MYH15: variants seen among roughly 807,000 people sequenced by gnomAD.
The protein encoded by MYH15 is myosin heavy chain 15, also known as myosin-15.
Under a neutral mutation model 240.5 loss-of-function variants are expected in MYH15, and 227 were observed. The observed-to-expected ratio is 0.94, with a 90% CI of 0.85 to 1.05. MYH15 has a LOEUF of 1.05. MYH15 is among the 50% of genes least tolerant of loss of function. The probability of loss-of-function intolerance (pLI) is 0.00; values close to 1 mark genes in which losing one functional copy is unlikely to be tolerated. For synonymous variants in MYH15, 785 were observed against 796.7 expected (o/e 0.99, Z 0.25); for missense variants, 2,217 against 2,247.5 (o/e 0.99, Z 0.27).
intron 12 of MYH15, among the ~76,000 whole-genome samples, chr3:108,472,117 CT>C (rs905564340): frequency 1.3e-5 from 2 of 152,244 alleles, no homozygotes; most frequent in African/African-American, 4.8e-5. Context: ...CTGAGGCTGC[CT>C]TTTCCTTCCC....
At chr3:108,430,962 A>G in intron 25 of MYH15, 40 bp from the exon 26 acceptor site, 1 of 1,388,114 alleles carries the variant, frequency 7.2e-7, no homozygotes, top group Middle Eastern at 1.8e-4. Context: ...GTTCAGAATA[A>G]TAACATTTTG....
At position 108,452,440 on chromosome 3, in the gene MYH15, GATAA is replaced by G. The variant is rs1240184353; in HGVS notation, c.2399+1562_2399+1565del. 2.6e-5 allele frequency among the ~76,000 whole-genome samples: 4 copies of G among 152,016 alleles called. No homozygotes were observed. In the South Asian group the frequency reaches 6.2e-4, roughly 24 times the overall value. ...AAATATTTACTTTAGCTGGAAAATT[GATAA>G]ATAAATTATGATATATTTATATAAT... is the stretch of plus-strand genomic sequence containing the variant. On this transcript the variant is annotated intron_variant, in intron 21 of 40. Coordinates refer to ENST00000693548, the MANE Select transcript of MYH15 (RefSeq NM_014981.3).
intron 17 of MYH15, 125 bp from the exon 18 acceptor site, chr3:108,459,574 A>G (rs2083053808): frequency 5.5e-6 from 3 of 544,348 alleles, no homozygotes; most frequent in Admixed American, 4.0e-5. Context: ...TAACAGTAAA[A>G]TAATGAATTC....
chr3:108,384,601 T>TCAGGTTGTCAGA, intron 39 of MYH15, 86 bp downstream of exon 39: 1 of 1,244,872 alleles, frequency 8.0e-7, no homozygotes, highest in South Asian at 1.3e-5. Context: ...TCTGACAAGC[T>TCAGGTTGTCAGA]GCTTGCTGAG....
chr3:108,518,320 GC>G (rs1018652831), intron 1 of MYH15, among the ~76,000 whole-genome samples: 9 of 152,030 alleles, frequency 5.9e-5, no homozygotes, highest in South Asian at 4.2e-4. Context: ...CCAATCAATT[GC>G]CAAGCTCTGC....
chr3:108,540,364 T>C, the MYH15 span, among the ~76,000 whole-genome samples: 1 of 152,206 alleles, frequency 6.6e-6, no homozygotes, highest in Non-Finnish European at 1.5e-5. Context: ...AAATGCCAGA[T>C]GATGGCTGCT....
At chr3:108,512,584 T>C (rs1454488119), upstream of MYH15, among the ~76,000 whole-genome samples, 1 of 152,208 alleles carries the variant, frequency 6.6e-6, no homozygotes, top group Non-Finnish European at 1.5e-5. Context: ...GAAATGGATG[T>C]CTGTCTGAGT....
chr3:108,542,279 A>C, the MYH15 span, among the ~76,000 whole-genome samples: 1 of 152,160 alleles, frequency 6.6e-6, no homozygotes, highest in African/African-American at 2.4e-5. Flanking sequence ...CTACAGTGTA[A>C]AGTTCATTTT....
upstream of MYH15, among the ~76,000 whole-genome samples, chr3:108,532,094 T>C (rs2083715159): frequency 6.6e-6 from 1 of 152,090 alleles, no homozygotes; most frequent in Admixed American, 6.5e-5. Flanking sequence ...AAAAGAGAGA[T>C]CAAAATTAAA....
chr3:108,460,505 T>C, intron 16 of MYH15, 138 bp from the exon 17 acceptor site: 1 of 540,992 alleles, frequency 1.8e-6, no homozygotes. Context: ...AGCTTCAAAA[T>C]ATTTATGTCT....
chr3:108,474,544 T>G (rs2107589524), intron 12 of MYH15, among the ~76,000 whole-genome samples: 1 of 151,820 alleles, frequency 6.6e-6, no homozygotes, highest in Non-Finnish European at 1.5e-5. Context: ...AGGTACAGAA[T>G]GATATTTTGA....
At chr3:108,463,324 T>A in intron 15 of MYH15, 81 bp from the exon 16 acceptor site, 2 of 1,419,722 alleles carry the variant, frequency 1.4e-6, no homozygotes, top group Non-Finnish European at 1.9e-6. Context: ...ATTACCCCTT[T>A]TTTTTTTTGA....
At chr3:108,387,442 T>C (rs2082391975) in intron 38 of MYH15, among the ~76,000 whole-genome samples, 2 of 152,172 alleles carry the variant, frequency 1.3e-5, no homozygotes, top group Admixed American at 1.3e-4. Flanking sequence ...CTCATTCTAG[T>C]ACATGAGAAA....
chr3:108,396,178 T>C (rs1405070474), intron 35 of MYH15, among the ~76,000 whole-genome samples: 2 of 152,314 alleles, frequency 1.3e-5, no homozygotes, highest in African/African-American at 2.4e-5. Context: ...CTCATCTCTC[T>C]CTAGGCTAGT....
chr3:108,410,509 A>T, intron 31 of MYH15, 74 bp downstream of exon 31: 1 of 1,050,044 alleles, frequency 9.5e-7, no homozygotes, highest in Non-Finnish European at 1.4e-6. Context: ...AATGCTGAAG[A>T]CAGCCTTGCC....
In MYH15 at chr3:108,485,144, A is replaced by G. The variant is rs530028325; in HGVS notation, c.1061T>C (p.Met354Thr). The change falls in exon 11 of 41, where the codon ATG (methionine) becomes ACG (threonine). Residue 354 changes from methionine (M) to threonine (T), a missense_variant. Physicochemically the swap from Met to Thr is moderately conservative, Grantham distance 81. Transcript: ENST00000693548. ...LTGAIMHFGN[M>T]KFKQKPREEQ... The stretch of plus-strand genomic sequence containing the variant: ...TTCTCTAGGTTTCTGTTTAAATTTC[A>G]TATTTCCAAAGTGCATGATGGCTCC... 1.7e-5 allele frequency: 28 copies of G among 1,614,110 alleles called. 1 individual carries two copies. Among genetic ancestry groups the G allele is most frequent in the South Asian group, 6.6e-5 (6 of 91,080 alleles).
In MYH15 at chr3:108,399,063, G is replaced by A. The variant is rs1167984787; in HGVS notation, c.4929+12C>T. On this transcript the variant is annotated intron_variant, in intron 34 of 40. Transcript: ENST00000693548. ...CCACCCCTCCCTACCCCATCTTACA[G>A]TTTTAAAATACCTTGATTTGAATCT... 1.2e-6 allele frequency: 2 copies of A among 1,610,808 alleles called. No homozygotes were observed. The highest frequency in any genetic ancestry group is 1.7e-5 in the Admixed American group (1 of 59,806).
upstream of MYH15, chr3:108,510,633 G>T (rs2083515519): frequency 6.4e-7 from 1 of 1,569,258 alleles, no homozygotes; most frequent in African/African-American, 1.4e-5. Flanking sequence ...TGGAAATAAG[G>T]CATCAAGCTC....
intron 1 of MYH15, among the ~76,000 whole-genome samples, chr3:108,525,797 G>A (rs1432559960): frequency 6.6e-6 from 1 of 151,940 alleles, no homozygotes; most frequent in African/African-American, 2.4e-5. Context: ...GTTTGGACCC[G>A]AGCAATAAAT....
Sources: gnomAD v4.1 joint callset for allele counts (sites outside exome capture counted in the v4.1 genomes callset) on GRCh38, gnomAD v4.1.1 for gene constraint, MANE v1.5 for transcripts, NCBI Gene and HGNC (gene_info 2026-07-23, HGNC 2026-07-21) for gene names.